The following SNX13 variants were observed in gnomAD, a reference collection of about 807,000 sequenced individuals.
The protein encoded by SNX13 is sorting nexin 13.
In SNX13, 45 loss-of-function variants were observed where a neutral mutation model predicts 133.6. The ratio of observed to expected loss-of-function variants is 0.34; its 90% CI spans 0.27 to 0.43. SNX13 has a LOEUF of 0.43. SNX13 is among the 20% of genes least tolerant of loss of function. The probability of loss-of-function intolerance (pLI) is 1.00; values close to 1 mark genes in which losing one functional copy is unlikely to be tolerated. For missense variants in SNX13, 1,032 were observed against 1,145.1 expected (o/e 0.90, Z 1.43); for synonymous variants, 414 against 373.9 (o/e 1.11, Z -1.24).
chr7:17,856,429 G>C (rs1791891081), intron 9 of SNX13, among the ~76,000 whole-genome samples: 1 of 152,106 alleles, frequency 6.6e-6, no homozygotes, highest in African/African-American at 2.4e-5. Flanking sequence ...CTAGAAAATA[G>C]TTACCTCCTT....
intron 2 of SNX13, among the ~76,000 whole-genome samples, chr7:17,895,012 TC>T (rs1206759954): frequency 6.6e-6 from 1 of 152,234 alleles, no homozygotes; most frequent in Non-Finnish European, 1.5e-5. Flanking sequence ...CTGTGTTATA[TC>T]TGATATTATT....
At chr7:17,851,344 T>C (rs758486591) in intron 9 of SNX13, among the ~76,000 whole-genome samples, 10 of 152,188 alleles carry the variant, frequency 6.6e-5, no homozygotes, top group Non-Finnish European at 8.8e-5. Context: ...AGAAGTTATA[T>C]TGGAAGGTTT....
At chr7:17,862,927 A>G (rs1315959909) in intron 9 of SNX13, among the ~76,000 whole-genome samples, 1 of 152,186 alleles carries the variant, frequency 6.6e-6, no homozygotes, top group East Asian at 1.9e-4. Flanking sequence ...TATCAAGGAA[A>G]GTGGCATTCA....
chr7:17,794,250 C>T lies in SNX13; in HGVS notation c.2669G>A (p.Gly890Asp), dbSNP rs1290591666. 6.2e-7 allele frequency: 1 copy of T among 1,611,414 alleles called. No individual in the cohort carries two copies. The highest frequency in any genetic ancestry group is 8.5e-7 in the Non-Finnish European group (1 of 1,178,416). ...AAACATTTCAAAAACACGAAGAATA[C>T]CTTTCCGTGTTGTCTCAGCCCCAAT... ...HIIGAETTRK[G>D]ILRVFEMFQH... The change falls in exon 26 of 26, where the codon GGT becomes GAT. Residue 890 changes from glycine (G) to aspartate (D), a missense_variant. Gly to Asp is a moderately conservative substitution (Grantham distance 94). Transcript: ENST00000428135.
chr7:17,816,069 C>G, intron 19 of SNX13, 113 bp downstream of exon 19: 1 of 1,186,940 alleles, frequency 8.4e-7, no homozygotes, highest in African/African-American at 1.6e-5. Context: ...AAAGTGGTTG[C>G]TACCCTGTGA....
intron 5 of SNX13, among the ~76,000 whole-genome samples, chr7:17,877,333 A>G (rs904122780): frequency 6.6e-6 from 1 of 152,054 alleles, no homozygotes; most frequent in South Asian, 2.1e-4. Context: ...ACATAAACCT[A>G]AAATAAAAAC....
At position 17,798,742 on chromosome 7, in the gene SNX13, C is replaced by A; in HGVS notation, c.2461G>T (p.Val821Phe). The stretch of plus-strand genomic sequence containing the variant: ...TGTTCAGGTGAAGTCATCCAGTCAA[C>A]ATGGTCAACTATTTTTCTGAAAGTA... ...DTINRKIVDH[V>F]DWMTSPEQVA... The change falls in exon 24 of 26, where the codon GTT becomes TTT. Residue 821 changes from valine to phenylalanine, a missense_variant. By Grantham distance (50) the Val-to-Phe change is conservative. Transcript: ENST00000428135. 1 of 1,559,180 alleles carries A rather than the reference C, an allele frequency of 6.4e-7. No homozygotes were observed. Among genetic ancestry groups the A allele is most frequent in the Non-Finnish European group, 8.6e-7 (1 of 1,158,450 alleles).
intron 20 of SNX13, among the ~76,000 whole-genome samples, chr7:17,803,904 C>T (rs1314354350): frequency 7.0e-6 from 1 of 142,602 alleles, no homozygotes; most frequent in South Asian, 2.2e-4. Flanking sequence ...AAAAAAAAGC[C>T]AGGTATATTG....
intron 7 of SNX13, among the ~76,000 whole-genome samples, chr7:17,874,478 T>C (rs964031103): frequency 6.6e-6 from 1 of 152,138 alleles, no homozygotes; most frequent in African/African-American, 2.4e-5. Flanking sequence ...CGAAACCCTC[T>C]CACTGTTCAA....
intron 9 of SNX13, among the ~76,000 whole-genome samples, chr7:17,855,561 T>C (rs1791781662): frequency 6.6e-6 from 1 of 152,216 alleles, no homozygotes; most frequent in Non-Finnish European, 1.5e-5. Flanking sequence ...CCTTAGGAAT[T>C]ATGCTAAATC....
At chr7:17,813,415 T>C (rs374511685) in intron 20 of SNX13, among the ~76,000 whole-genome samples, 88 of 152,300 alleles carry the variant, frequency 5.8e-4, no homozygotes, top group African/African-American at 1.9e-3. Context: ...CCCTCCATTG[T>C]AAGGTCCACA....
chr7:17,913,666 T>C (rs959600116), intron 1 of SNX13, among the ~76,000 whole-genome samples: 1 of 147,224 alleles, frequency 6.8e-6, no homozygotes, highest in East Asian at 2.0e-4. Flanking sequence ...CAAAGCCAAC[T>C]GATCACAAGC....
At position 17,917,950 on chromosome 7, in the gene SNX13, G is replaced by C. The variant is rs1027591549; in HGVS notation, c.13-20504C>G. Among the ~76,000 whole-genome samples the C allele has an allele frequency of 2.6e-5, 4 of 152,028 alleles. No homozygotes were observed. In the East Asian group the frequency reaches 7.7e-4, roughly 29 times the overall value. Reference sequence around the variant, plus strand: ...CAACAATCAAAACACCATGGTACTGGTATGAAAACAGACACACAGACCAGA... The same window carrying C: ...CAACAATCAAAACACCATGGTACTGCTATGAAAACAGACACACAGACCAGA... On this transcript the variant is annotated intron_variant, in intron 1 of 25. Coordinates refer to ENST00000428135, the MANE Select transcript of SNX13 (RefSeq NM_015132.5).
chr7:17,900,788 C>T (rs894308624), intron 1 of SNX13, among the ~76,000 whole-genome samples: 2 of 152,182 alleles, frequency 1.3e-5, no homozygotes, highest in East Asian at 3.9e-4. Flanking sequence ...CAAGAGCCCA[C>T]TTGGTGCTCT....
intron 9 of SNX13, among the ~76,000 whole-genome samples, chr7:17,860,505 G>A (rs1487990060): frequency 6.6e-6 from 1 of 152,042 alleles, no homozygotes; most frequent in Non-Finnish European, 1.5e-5. Flanking sequence ...CTCTATTGCT[G>A]TTATTTTTGT....
At position 17,936,177 on chromosome 7, in the gene SNX13, AAACT is replaced by A. The variant is rs567068391; in HGVS notation, c.12+4103_12+4106del. Among the ~76,000 whole-genome samples, 25 of 152,322 alleles carry A rather than the reference AAACT, an allele frequency of 1.6e-4. No homozygotes were observed. In the South Asian group the frequency reaches 3.3e-3, roughly 20 times the overall value. On this transcript the variant is annotated intron_variant, in intron 1 of 25. Coordinates refer to ENST00000428135, the MANE Select transcript of SNX13 (RefSeq NM_015132.5). Reference sequence around the variant, plus strand: ...TCTTTGAAAATAAATCACCTATCAAAAACTAACTATGTTAAGTCATCCAGAGAAG... The same window carrying A: ...TCTTTGAAAATAAATCACCTATCAAAAACTATGTTAAGTCATCCAGAGAAG...
intron 15 of SNX13, 117 bp from the exon 16 acceptor site, chr7:17,830,164 A>C: frequency 1.2e-6 from 1 of 835,140 alleles, no homozygotes; most frequent in East Asian, 3.9e-5. Context: ...ATAATAGTAA[A>C]AAAAAAAAAA....
Position 17,822,166 on chromosome 7 carries a change from G to A in SNX13, c.1706-518C>T, listed in dbSNP as rs963109403. Among the ~76,000 whole-genome samples, 34 of 151,192 alleles carry A rather than the reference G, an allele frequency of 2.2e-4. 1 individual carries two copies. The highest frequency in any genetic ancestry group is 1.3e-4 in the Non-Finnish European group (9 of 67,856). ...TGGCAATTTTCTTTTTCTTTGATACGTTCAGTAGTTCACAAGTGCGGTTTA... is the reference window on the plus strand; with the variant it reads ...TGGCAATTTTCTTTTTCTTTGATACATTCAGTAGTTCACAAGTGCGGTTTA... On this transcript the variant is annotated intron_variant, in intron 17 of 25. Coordinates refer to ENST00000428135, the MANE Select transcript of SNX13 (RefSeq NM_015132.5).
intron 1 of SNX13, among the ~76,000 whole-genome samples, chr7:17,937,640 A>T (rs1802268079): frequency 6.6e-6 from 1 of 152,216 alleles, no homozygotes; most frequent in Non-Finnish European, 1.5e-5. Flanking sequence ...TGGTTAAAAA[A>T]AAATAAAAAT....
Sources: gnomAD v4.1 joint callset for allele counts (sites outside exome capture counted in the v4.1 genomes callset) on GRCh38, gnomAD v4.1.1 for gene constraint, MANE v1.5 for transcripts, NCBI Gene and HGNC (gene_info 2026-07-23, HGNC 2026-07-21) for gene names.